Variants in PLXNA4 observed in about 807,000 individuals in gnomAD.
The protein encoded by PLXNA4 is plexin A4.
In PLXNA4, 44 loss-of-function variants were observed where a neutral mutation model predicts 191.8. That is an observed-to-expected ratio of 0.23 (90% confidence interval 0.18 to 0.29). The LOEUF is 0.29. Ranked by LOEUF, PLXNA4 falls within the 10% of genes least tolerant of loss-of-function variation. PLXNA4 has a pLI of 1.00. For synonymous variants in PLXNA4, 1,082 were observed against 1,009.5 expected, an observed-to-expected ratio of 1.07 and a Z score of -1.36; for missense variants, 1,800 against 2,488.8, an observed-to-expected ratio of 0.72 and a Z score of 5.89.
At chr7:132,577,768 G>A (rs1297977858), upstream of PLXNA4, among the ~76,000 whole-genome samples, 4 of 152,164 alleles carry the variant, frequency 2.6e-5, no homozygotes, top group Admixed American at 2.6e-4. Context: ...GCTGGCCGTC[G>A]GAGGGACCCT....
chr7:132,541,864 G>C (rs1450747786), intron 1 of PLXNA4, among the ~76,000 whole-genome samples: 1 of 152,202 alleles, frequency 6.6e-6, no homozygotes, highest in Non-Finnish European at 1.5e-5. Flanking sequence ...GCATCTCAGG[G>C]ACAAGCCAGG....
intron 9 of PLXNA4, among the ~76,000 whole-genome samples, chr7:132,213,225 G>A (rs1204170147): frequency 6.6e-6 from 1 of 152,226 alleles, no homozygotes; most frequent in African/African-American, 2.4e-5. Context: ...AAAGTAGAAT[G>A]GTGATGTCTA....
rs372937084 is a variant in PLXNA4 at position 132,402,693 on chromosome 7, G to A, written c.1371+86599C>T. 1.4e-4 allele frequency among the ~76,000 whole-genome samples: 21 copies of A among 152,320 alleles called. No individual in the cohort carries two copies. The East Asian group carries it at 3.5e-3, about 25-fold the overall frequency. On this transcript the variant is annotated intron_variant, in intron 3 of 31. Coordinates refer to ENST00000321063, the MANE Select transcript of PLXNA4 (RefSeq NM_020911.2). ...GCAGAGCAAAGGACAGGCTGCTCCCGAGCCGCTCAGTCCATCGGATCAATC... is the reference window on the plus strand; with the variant it reads ...GCAGAGCAAAGGACAGGCTGCTCCCAAGCCGCTCAGTCCATCGGATCAATC...
intron 10 of PLXNA4, among the ~76,000 whole-genome samples, chr7:132,208,513 C>T (rs1188649762): frequency 2.0e-5 from 3 of 152,128 alleles, no homozygotes; most frequent in Non-Finnish European, 4.4e-5. Flanking sequence ...GAGCCCTCCT[C>T]AGGTCCTGAG....
chr7:132,332,697 T>C (rs902909578), intron 3 of PLXNA4, among the ~76,000 whole-genome samples: 1 of 148,116 alleles, frequency 6.8e-6, no homozygotes, highest in African/African-American at 2.5e-5. Flanking sequence ...AAAAAAAAAA[T>C]ACAAAACTAA....
At chr7:132,273,442 T>A (rs934200076) in intron 4 of PLXNA4, among the ~76,000 whole-genome samples, 3 of 152,216 alleles carry the variant, frequency 2.0e-5, no homozygotes, top group Non-Finnish European at 2.9e-5. Flanking sequence ...CACCCAGCTT[T>A]GCTGACTGAC....
intron 3 of PLXNA4, among the ~76,000 whole-genome samples, chr7:132,387,254 A>G (rs1460405831): frequency 6.6e-6 from 1 of 152,266 alleles, no homozygotes; most frequent in East Asian, 1.9e-4. Context: ...CCTATTGAAT[A>G]AGAATCTGCC....
intron 2 of PLXNA4, among the ~76,000 whole-genome samples, chr7:132,625,190 GC>G (rs1175878682): frequency 1.3e-5 from 2 of 152,140 alleles, no homozygotes; most frequent in Non-Finnish European, 2.9e-5. Context: ...GATGACTTCA[GC>G]CCAAGAGAGG....
At chr7:132,233,138 T>C (rs1348443881) in intron 5 of PLXNA4, among the ~76,000 whole-genome samples, 1 of 152,180 alleles carries the variant, frequency 6.6e-6, no homozygotes, top group Non-Finnish European at 1.5e-5. Context: ...GCAGACCTAA[T>C]AGAAAAGTTA....
intron 1 of PLXNA4, among the ~76,000 whole-genome samples, chr7:132,528,544 C>T (rs1178367910): frequency 4.6e-5 from 7 of 152,230 alleles, no homozygotes; most frequent in Non-Finnish European, 8.8e-5. Context: ...AGTTTAGGAA[C>T]AGCCATGCCA....
At chr7:132,238,498 A>G (rs935411913) in intron 5 of PLXNA4, among the ~76,000 whole-genome samples, 6 of 152,196 alleles carry the variant, frequency 3.9e-5, no homozygotes, top group East Asian at 3.9e-4. Context: ...CAGTGCTTCA[A>G]TGCGCTGGCT....
chr7:132,446,888 A>T (rs1394837059), intron 3 of PLXNA4, among the ~76,000 whole-genome samples: 1 of 152,104 alleles, frequency 6.6e-6, no homozygotes, highest in Non-Finnish European at 1.5e-5. Flanking sequence ...CAGCAGACAC[A>T]CACACCTTTG....
At chr7:132,643,356 G>A (rs555118590) in intron 2 of PLXNA4, among the ~76,000 whole-genome samples, 4 of 152,190 alleles carry the variant, frequency 2.6e-5, no homozygotes, top group East Asian at 1.9e-4. Context: ...TAACACACAC[G>A]TGAAACACAG....
intron 3 of PLXNA4, among the ~76,000 whole-genome samples, chr7:132,477,134 C>T (rs1048536906): frequency 6.6e-6 from 1 of 152,150 alleles, no homozygotes; most frequent in Non-Finnish European, 1.5e-5. Context: ...TTTTAGATGA[C>T]CAAGAAGATA....
Position 132,185,354 on chromosome 7 carries a change from G to C in PLXNA4, c.3103C>G (p.Gln1035Glu), listed in dbSNP as rs1796843279. 1 of 1,613,980 alleles carries C rather than the reference G, an allele frequency of 6.2e-7. No homozygotes were observed. The highest frequency in any genetic ancestry group is 1.3e-5 in the African/African-American group (1 of 74,930). ...ACGATGGTGGGGTCTTCCACATACTGAAAGACCAGGTCCTGGTGGATCTTG... is the reference window on the plus strand; with the variant it reads ...ACGATGGTGGGGTCTTCCACATACTCAAAGACCAGGTCCTGGTGGATCTTG... ...RAKIHQDLVF[Q>E]YVEDPTIVRI... Residue 1035 changes from glutamine to glutamate, a missense_variant, in exon 16 of 32, where the codon CAG becomes GAG. Gln to Glu is a conservative substitution (Grantham distance 29). Transcript: ENST00000321063.
chr7:132,638,376 G>A (rs1803650329), intron 2 of PLXNA4, among the ~76,000 whole-genome samples: 2 of 152,252 alleles, frequency 1.3e-5, no homozygotes, highest in South Asian at 4.1e-4. Context: ...CCAGGGCCGG[G>A]CATGGTGGCT....
At chr7:132,604,598 G>A (rs1802888625) in intron 2 of PLXNA4, among the ~76,000 whole-genome samples, 1 of 152,046 alleles carries the variant, frequency 6.6e-6, no homozygotes, top group South Asian at 2.1e-4. Flanking sequence ...TAAGAGAATT[G>A]GCCAAGAGAT....
chr7:132,168,263 A>G (rs1242317259), intron 22 of PLXNA4, 41 bp downstream of exon 22: 3 of 1,484,152 alleles, frequency 2.0e-6, no homozygotes, highest in African/African-American at 1.4e-5. Flanking sequence ...AGCCAGGTGC[A>G]TGGCTAGGCT....
intron 1 of PLXNA4, among the ~76,000 whole-genome samples, chr7:132,534,876 A>G (rs897515569): frequency 6.6e-6 from 1 of 151,986 alleles, no homozygotes; most frequent in Admixed American, 6.6e-5. Context: ...CCATTCCTTA[A>G]CCTGCCACAG....
Sources: allele counts gnomAD v4.1 joint callset (sites outside exome capture counted in the v4.1 genomes callset), GRCh38; gene constraint gnomAD v4.1.1; transcripts MANE v1.5; gene names NCBI Gene and HGNC (gene_info 2026-07-23, HGNC 2026-07-21).